The following HCN4 variants were observed in gnomAD, a reference collection of about 807,000 sequenced individuals.
HCN4 encodes the protein potassium/sodium hyperpolarization-activated cyclic nucleotide-gated channel 4.
HCN4 carries 29 observed loss-of-function variants against 76.9 expected under a neutral mutation model. That is an observed-to-expected ratio of 0.38 (90% CI 0.28 to 0.51). The LOEUF is 0.51. Ranked by LOEUF, HCN4 falls within the 20% of genes least tolerant of loss-of-function variation. HCN4 has a pLI of 0.90. For synonymous variants in HCN4, 772 were observed against 762.5 expected, an observed-to-expected ratio of 1.01 and a Z score of -0.21; for missense variants, 1,416 against 1,715.2, an observed-to-expected ratio of 0.83 and a Z score of 3.08.
At chr15:73,344,731 G>A (rs534262775) in intron 1 of HCN4, among the ~76,000 whole-genome samples, 1 of 152,270 alleles carries the variant, frequency 6.6e-6, no homozygotes, top group South Asian at 2.1e-4. Flanking sequence ...AGCAGCATGA[G>A]GAGGAGGCAC....
At chr15:73,334,943 G>T (rs1426324203) in intron 2 of HCN4, among the ~76,000 whole-genome samples, 1 of 152,080 alleles carries the variant, frequency 6.6e-6, no homozygotes, top group East Asian at 1.9e-4. Flanking sequence ...AGGTCATGAA[G>T]TTGGCACCCT....
At position 73,368,314 on chromosome 15, in the gene HCN4, G is replaced by T; in HGVS notation, c.-44C>A. 1 of 1,386,592 alleles carries T rather than the reference G, an allele frequency of 7.2e-7. No homozygotes were observed. Among genetic ancestry groups the T allele is most frequent in the African/African-American group, 1.5e-5 (1 of 66,246 alleles). 85.9% of individuals were successfully genotyped at this position (1,386,592 alleles called of 1,614,324 possible). ...CGGACCGGGCCGGGGGCAGGAGCGC[G>T]GCGCCGCGGACGGGCTCCAGGTCCG... On this transcript the variant is annotated 5_prime_UTR_variant, in exon 1 of 8. Transcript: ENST00000261917. The surrounding 1 kb of genome is among the most constrained non-coding windows in gnomAD (Gnocchi z 6.9).
chr15:73,340,089 C>G (rs1275879047), intron 2 of HCN4, among the ~76,000 whole-genome samples: 1 of 152,140 alleles, frequency 6.6e-6, no homozygotes, highest in Non-Finnish European at 1.5e-5. Context: ...CTGCCTCCCC[C>G]AGAGAAAGGC....
At position 73,324,216 on chromosome 15, in the gene HCN4, G is replaced by A. The variant is rs104894488; in HGVS notation, c.2016C>T (p.Ser672=). The change falls in exon 7 of 8, where the codon AGC becomes AGT. Residue 672 remains serine, a synonymous_variant. Transcript: ENST00000261917. ...CLLTRGRRTA[S]VRADTYCRLY... ...GGCGGCAGTAGGTGTCGGCCCTCAC[G>A]CTGGCTGTGCGCCGGCCCCGGGTCA... The A allele has an allele frequency of 1.4e-5, 22 of 1,614,012 alleles. No individual in the cohort carries two copies. The highest frequency in any genetic ancestry group is 3.3e-4 in the Middle Eastern group (2 of 6,044).
Position 73,343,966 on chromosome 15 carries a change from T to C in HCN4, c.786-158A>G, listed in dbSNP as rs914912571. On this transcript the variant is annotated intron_variant, in intron 1 of 7. Coordinates refer to ENST00000261917, the MANE Select transcript of HCN4 (RefSeq NM_005477.3). The surrounding 1 kb of genome is among the most constrained non-coding windows in gnomAD (Gnocchi z 5.7). Reference sequence around the variant, plus strand: ...TGGGTACCAGGGCAAGATGTGGAGATTGGCACAGGGAATGACACAATAAGA... The same window carrying C: ...TGGGTACCAGGGCAAGATGTGGAGACTGGCACAGGGAATGACACAATAAGA... Among the ~76,000 whole-genome samples, 5 of 152,080 alleles carry C rather than the reference T, an allele frequency of 3.3e-5. No individual in the cohort carries two copies. The highest frequency in any genetic ancestry group is 9.7e-5 in the African/African-American group (4 of 41,394).
chr15:73,326,889 C>T (rs534978510), intron 4 of HCN4, among the ~76,000 whole-genome samples: 1 of 150,986 alleles, frequency 6.6e-6, no homozygotes, highest in Non-Finnish European at 1.5e-5. Flanking sequence ...TGGGCTCAAG[C>T]GATTCTCCCA....
At chr15:73,348,830 C>T (rs1448064994) in intron 1 of HCN4, among the ~76,000 whole-genome samples, 1 of 152,196 alleles carries the variant, frequency 6.6e-6, no homozygotes, top group African/African-American at 2.4e-5. Context: ...AGACAGCTCC[C>T]ACTCAGTGCC....
rs1003011461 is a variant in HCN4 at position 73,322,066 on chromosome 15, G to C, written c.*415C>G. 3 of 256,506 alleles carry C rather than the reference G, an allele frequency of 1.2e-5. No homozygotes were observed. The highest frequency in any genetic ancestry group is 5.1e-5 in the Admixed American group (1 of 19,492). 15.9% of individuals were successfully genotyped at this position (256,506 alleles called of 1,614,324 possible). A position where few individuals can be genotyped will look rare whatever the true frequency, so the allele number is the denominator to read the frequency against. ...CACACCCCAGGGCAGCCCCTTTCTG[G>C]GGGCAGAGTGGAGCTCCAAGTTACA... On this transcript the variant is annotated 3_prime_UTR_variant, in exon 8 of 8. Coordinates refer to ENST00000261917, the MANE Select transcript of HCN4 (RefSeq NM_005477.3).
intron 1 of HCN4, among the ~76,000 whole-genome samples, chr15:73,347,209 T>C (rs1428889495): frequency 2.0e-5 from 3 of 152,224 alleles, no homozygotes; most frequent in African/African-American, 7.2e-5. Context: ...GCTGCTGTTA[T>C]TTTACAGATG....
chr15:73,363,119 T>C (rs141306355), intron 1 of HCN4, among the ~76,000 whole-genome samples: 1 of 152,316 alleles, frequency 6.6e-6, no homozygotes, highest in African/African-American at 2.4e-5. Flanking sequence ...CAACACAGCC[T>C]GCGGCTCCTT....
chr15:73,322,804 C>A lies in HCN4; in HGVS notation c.3289G>T (p.Gly1097Trp), dbSNP rs753734843. The A allele has an allele frequency of 6.5e-6, 10 of 1,537,900 alleles. No homozygotes were observed. In the East Asian group the frequency reaches 2.1e-4, roughly 32 times the overall value. Residue 1097 changes from glycine to tryptophan, a missense_variant, in exon 8 of 8, where the codon GGG (glycine) becomes TGG (tryptophan). Physicochemically the swap from Gly to Trp is radical, Grantham distance 184. Around this residue, in one of 6 missense-constraint regions of HCN4, gnomAD observed 633 missense variants for 579.8 expected, o/e 1.09. Transcript: ENST00000261917. The stretch of plus-strand genomic sequence containing the variant: ...GAGGCTCTGCGGAGAGTCTGCGCCC[C>A]GTCCTGAGGCAGGGCTGGCTGAGAC... Reference protein sequence around the residue: ...SASQPALPQDGAQTLRRASPH... With the variant: ...SASQPALPQDWAQTLRRASPH...
chr15:73,357,010 T>C (rs539617319), intron 1 of HCN4, among the ~76,000 whole-genome samples: 4 of 152,250 alleles, frequency 2.6e-5, no homozygotes, highest in South Asian at 2.1e-4. Context: ...GCCCAGCTCA[T>C]TGGCTCCCAA....
chr15:73,350,307 C>T (rs1176968149), intron 1 of HCN4, among the ~76,000 whole-genome samples: 1 of 152,200 alleles, frequency 6.6e-6, no homozygotes. Context: ...AATCCCAGCC[C>T]CAGGCAAGGA....
intron 1 of HCN4, among the ~76,000 whole-genome samples, chr15:73,356,551 G>A (rs2043082037): frequency 6.6e-6 from 1 of 151,662 alleles, no homozygotes; most frequent in African/African-American, 2.4e-5. Flanking sequence ...ATTGGTCATA[G>A]AAGGGGCTAA....
chr15:73,354,257 C>A (rs910516749), intron 1 of HCN4, among the ~76,000 whole-genome samples: 3 of 152,214 alleles, frequency 2.0e-5, no homozygotes, highest in African/African-American at 7.2e-5. Flanking sequence ...TTCTAAGGTA[C>A]CTCCCCATCC....
rs186403235 is a variant in HCN4, at chr15:73,319,861, C to G, written c.*2620G>C. The G allele has an allele frequency of 6.6e-6, 1 of 152,200 alleles. No individual in the cohort carries two copies. The highest frequency in any genetic ancestry group is 2.4e-5 in the African/African-American group (1 of 41,442). The allele number at this position is 152,200 out of a possible 1,614,324, so 9.4% of individuals were successfully genotyped here. ...GGCCCCTAGAAGAAGGTAGCATCTG[C>G]TGGAATTTTTTTTATTTAAATAAAA... On this transcript the variant is annotated 3_prime_UTR_variant, in exon 8 of 8. Coordinates refer to ENST00000261917, the MANE Select transcript of HCN4 (RefSeq NM_005477.3).
In HCN4 at chr15:73,324,230, G is replaced by A. The variant is rs2151215096; in HGVS notation, c.2002C>T (p.Arg668Trp). The A allele has an allele frequency of 2.5e-6, 4 of 1,613,926 alleles. No individual in the cohort carries two copies. The highest frequency in any genetic ancestry group is 1.1e-5 in the South Asian group (1 of 91,076). ...FGEICLLTRG[R>W]RTASVRADTY... The stretch of plus-strand genomic sequence containing the variant: ...TCGGCCCTCACGCTGGCTGTGCGCC[G>A]GCCCCGGGTCAGCAGGCAGATCTCT... Residue 668 changes from arginine to tryptophan, a missense_variant, in exon 7 of 8, where the codon CGG becomes TGG. Around this residue, in one of 6 missense-constraint regions of HCN4, gnomAD observed 241 missense variants for 379.4 expected, o/e 0.64. Coordinates refer to ENST00000261917, the MANE Select transcript of HCN4 (RefSeq NM_005477.3).
At chr15:73,366,825 T>A (rs1165942261) in intron 1 of HCN4, among the ~76,000 whole-genome samples, 1 of 152,208 alleles carries the variant, frequency 6.6e-6, no homozygotes, top group African/African-American at 2.4e-5. Context: ...CCAGGCATCT[T>A]CACCCATCAC....
intron 1 of HCN4, among the ~76,000 whole-genome samples, chr15:73,352,713 C>T (rs2043060370): frequency 6.6e-6 from 1 of 152,202 alleles, no homozygotes; most frequent in African/African-American, 2.4e-5. Context: ...TCCTCTACCC[C>T]ACCTCCACCA....
Sources: allele counts gnomAD v4.1 joint callset (sites outside exome capture counted in the v4.1 genomes callset), GRCh38; gene constraint gnomAD v4.1.1; regional missense constraint gnomAD v4.1.1; non-coding constraint Gnocchi (gnomAD v3.1); transcripts MANE v1.5; gene names NCBI Gene and HGNC (gene_info 2026-07-23, HGNC 2026-07-21).